The following DOK1 variants were observed in gnomAD, a reference collection of about 807,000 sequenced individuals.
DOK1 encodes docking protein 1.
In DOK1, 12 loss-of-function variants were observed where a neutral mutation model predicts 24.0. That is an observed-to-expected ratio of 0.50 (90% CI 0.32 to 0.81). The LOEUF (loss-of-function observed/expected upper bound fraction) is 0.81, where lower values mean the gene tolerates loss of function less well. Ranked by LOEUF, DOK1 falls within the 30% of genes least tolerant of loss-of-function variation. The pLI, the probability that DOK1 is intolerant of heterozygous loss-of-function variation, is 0.03. For missense variants in DOK1, 591 were observed against 620.7 expected, an observed-to-expected ratio of 0.95 and a Z score of 0.51; for synonymous variants, 250 against 260.9, an observed-to-expected ratio of 0.96 and a Z score of 0.40.
Position 74,555,565 on chromosome 2 carries a change from T to C in DOK1, c.361-10T>C, listed in dbSNP as rs759820003. On this transcript the variant is annotated splice_polypyrimidine_tract_variant and intron_variant, in intron 2 of 4. Transcript: ENST00000233668. This position sits in a 1 kb window ranked among gnomAD's most constrained non-coding sequence, Gnocchi z 6.1. ...GGAAATTACGGGTTTCTCGATGCTC[T>C]CTACTACAGAAAGGCAGCTGGACTC... 2 of 1,614,146 alleles carry C rather than the reference T, an allele frequency of 1.2e-6. No individual in the cohort carries two copies. The highest frequency in any genetic ancestry group is 1.7e-6 in the Non-Finnish European group (2 of 1,180,026).
chr2:74,555,079 C>T lies in DOK1; in HGVS notation c.61-75C>T, dbSNP rs533910133. Reference sequence around the variant, plus strand: ...CCAGATCCCAAATCGACTTGCGCCGCAACCTCCTTCCCCGTCGGGACCCGG... The same window carrying T: ...CCAGATCCCAAATCGACTTGCGCCGTAACCTCCTTCCCCGTCGGGACCCGG... On this transcript the variant is annotated intron_variant, in intron 1 of 4. Transcript: ENST00000233668. This position sits in a 1 kb window ranked among gnomAD's most constrained non-coding sequence, Gnocchi z 6.1. 1 of 1,518,284 alleles carries T rather than the reference C, an allele frequency of 6.6e-7. No homozygotes were observed. The highest frequency in any genetic ancestry group is 1.4e-5 in the African/African-American group (1 of 72,578). The allele number at this position is 1,518,284 out of a possible 1,614,324, so 94.1% of individuals were successfully genotyped here.
Position 74,555,524 on chromosome 2 carries a change from C to T in DOK1, c.361-51C>T, listed in dbSNP as rs758933314. On this transcript the variant is annotated intron_variant, in intron 2 of 4. Transcript: ENST00000233668. The surrounding 1 kb of genome is among the most constrained non-coding windows in gnomAD (Gnocchi z 6.1). ...AGAAATGGGGCTGCCTCAGACCGACCCCCGCTCCCCGCTGAGGAAATTACG... is the reference window on the plus strand; with the variant it reads ...AGAAATGGGGCTGCCTCAGACCGACTCCCGCTCCCCGCTGAGGAAATTACG... 1.2e-5 allele frequency: 20 copies of T among 1,613,202 alleles called. No homozygotes were observed. The highest frequency in any genetic ancestry group is 2.2e-5 in the East Asian group (1 of 44,884).
Position 74,555,500 on chromosome 2 carries a change from G to T in DOK1, c.360+47G>T, listed in dbSNP as rs374634988. On this transcript the variant is annotated intron_variant, in intron 2 of 4. Transcript: ENST00000233668. This position sits in a 1 kb window ranked among gnomAD's most constrained non-coding sequence, Gnocchi z 6.1. ...GGGTGGGGGCAGTTACAGAGGCAGA[G>T]AAATGGGGCTGCCTCAGACCGACCC... 2.0e-5 allele frequency: 33 copies of T among 1,610,790 alleles called. No individual in the cohort carries two copies. The African/African-American group carries it at 3.7e-4, about 18-fold the overall frequency.
At chr2:74,552,025 C>A (rs903906010), upstream of DOK1, among the ~76,000 whole-genome samples, 1 of 152,248 alleles carries the variant, frequency 6.6e-6, no homozygotes, top group Non-Finnish European at 1.5e-5. Context: ...TCACCTGTAT[C>A]TGGGCTGTTT....
At position 74,556,982 on chromosome 2, in the gene DOK1, C is replaced by A. The variant is rs1160094883; in HGVS notation, c.1314C>A (p.Gly438=). ...TCCCTGAACCTGGTACTGCAACTGGCAGTGGCATCAAAAGCCACAACTCAG... is the reference window on the plus strand; with the variant it reads ...TCCCTGAACCTGGTACTGCAACTGGAAGTGGCATCAAAAGCCACAACTCAG... ...PAFPEPGTAT[G]SGIKSHNSAL... The change falls in exon 5 of 5, where the codon GGC becomes GGA. Residue 438 remains glycine (G), a synonymous_variant. Transcript: ENST00000233668. This position sits in a 1 kb window ranked among gnomAD's most constrained non-coding sequence, Gnocchi z 4.1. 1.2e-6 allele frequency: 2 copies of A among 1,614,204 alleles called. No homozygotes were observed. The highest frequency in any genetic ancestry group is 4.5e-5 in the East Asian group (2 of 44,882).
At position 74,555,198 on chromosome 2, in the gene DOK1, C is replaced by T. The variant is rs1677345142; in HGVS notation, c.105C>T (p.His35=). The T allele has an allele frequency of 1.2e-6, 2 of 1,613,398 alleles. No individual in the cohort carries two copies. Among genetic ancestry groups the T allele is most frequent in the South Asian group, 2.2e-5 (2 of 91,074 alleles). ...TWAVLYPASP[H]GVARLEFFDH... ...CCGTGCTCTACCCGGCCAGTCCCCA[C>T]GGCGTAGCGCGGCTCGAGTTCTTTG... Residue 35 remains histidine, a synonymous_variant, in exon 2 of 5, where the codon CAC becomes CAT. Transcript: ENST00000233668. This position sits in a 1 kb window ranked among gnomAD's most constrained non-coding sequence, Gnocchi z 6.1.
Position 74,555,024 on chromosome 2 carries a change from A to G in DOK1, c.61-130A>G. ...GAGACGGAGTGGCATCGTCCTTGGG[A>G]AACTTCGCCCCCAACCCCGTTTGGA... On this transcript the variant is annotated intron_variant, in intron 1 of 4. Coordinates refer to ENST00000233668, the MANE Select transcript of DOK1 (RefSeq NM_001381.5). The surrounding 1 kb of genome is among the most constrained non-coding windows in gnomAD (Gnocchi z 6.1). 7.2e-7 allele frequency: 1 copy of G among 1,395,322 alleles called. No homozygotes were observed. Among genetic ancestry groups the G allele is most frequent in the African/African-American group, 1.4e-5 (1 of 69,646 alleles). 86.4% of individuals were successfully genotyped at this position (1,395,322 alleles called of 1,614,324 possible). A position where few individuals can be genotyped will look rare whatever the true frequency, so the allele number is the denominator to read the frequency against.
chr2:74,553,519 T>C (rs1408852131), upstream of DOK1, among the ~76,000 whole-genome samples: 1 of 152,178 alleles, frequency 6.6e-6, no homozygotes, highest in Admixed American at 6.5e-5. Flanking sequence ...AGGCCTTCTC[T>C]GCCTAGGGCT....
At chr2:74,550,732 G>A (rs769247809), upstream of DOK1, among the ~76,000 whole-genome samples, 3 of 152,176 alleles carry the variant, frequency 2.0e-5, no homozygotes, top group African/African-American at 4.8e-5. Flanking sequence ...CCAGAACACT[G>A]TTTTATATAA....
upstream of DOK1, chr2:74,552,687 T>C (rs573037990): frequency 8.9e-5 from 129 of 1,450,682 alleles, 1 homozygote; most frequent in South Asian, 1.6e-3. Flanking sequence ...GAGAAACAGA[T>C]TGAGTGGGGC....
chr2:74,549,123 C>T lies in DOK1; in HGVS notation c.-407C>T, dbSNP rs1030518039. ...CGGGGCCGAGGAATCCGCCTGCCCG[C>T]CCAGGCGTCGGCCACGAGAGAGCGG... is the stretch of plus-strand genomic sequence containing the variant. On this transcript the variant is annotated 5_prime_UTR_variant, in exon 1 of 5. Transcript: ENST00000409429. The surrounding 1 kb of genome is among the most constrained non-coding windows in gnomAD (Gnocchi z 5.3). 5.3e-6 allele frequency: 2 copies of T among 375,876 alleles called. No individual in the cohort carries two copies. The highest frequency in any genetic ancestry group is 8.3e-5 in the East Asian group (2 of 24,104). The allele number at this position is 375,876 out of a possible 1,614,324, so 23.3% of individuals were successfully genotyped here. A position where few individuals can be genotyped will look rare whatever the true frequency, so the allele number is the denominator to read the frequency against.
rs745609922 is a variant in DOK1, at chr2:74,555,425, T to C, written c.332T>C (p.Val111Ala). Residue 111 changes from valine (V) to alanine (A), a missense_variant, in exon 2 of 5, where the codon GTG (valine) becomes GCG (alanine). Val to Ala is a moderately conservative substitution (Grantham distance 64, BLOSUM62 0). Transcript: ENST00000233668. This position sits in a 1 kb window ranked among gnomAD's most constrained non-coding sequence, Gnocchi z 6.1. The stretch of plus-strand genomic sequence containing the variant: ...GACGCGCCGTCCAGTGCAGCCTGGG[T>C]GCAGACGCTGTGCCGAAACGCCTTT... Reference protein sequence around the residue: ...AADAPSSAAWVQTLCRNAFPK... With the variant: ...AADAPSSAAWAQTLCRNAFPK... 1 of 1,610,592 alleles carries C rather than the reference T, an allele frequency of 6.2e-7. No individual in the cohort carries two copies. Among genetic ancestry groups the C allele is most frequent in the East Asian group, 2.2e-5 (1 of 44,846 alleles).
At chr2:74,552,678 A>T, upstream of DOK1, 1 of 1,473,768 alleles carries the variant, frequency 6.8e-7, no homozygotes. Flanking sequence ...TGTGCGTGAG[A>T]GAAACAGATT....
chr2:74,555,376 C>T lies in DOK1; in HGVS notation c.283C>T (p.Gln95Ter), dbSNP rs750612084. The T allele has an allele frequency of 1.2e-6, 2 of 1,613,142 alleles. No individual in the cohort carries two copies. The highest frequency in any genetic ancestry group is 1.3e-5 in the African/African-American group (1 of 74,944). The change falls in exon 2 of 5, where the codon CAG becomes TAG. Residue 95 changes from glutamine to a stop codon, truncating the protein, a stop_gained. Transcript: ENST00000233668. LOFTEE classifies it high-confidence loss of function. The surrounding 1 kb of genome is among the most constrained non-coding windows in gnomAD (Gnocchi z 6.1). Reference protein sequence around the residue: ...GATAFRLDTAQRSHLLAADAP... With the variant: ...GATAFRLDTA ...CACTGCCTTCCGCCTGGACACTGCT[C>T]AGCGCTCGCACCTGCTGGCGGCCGA...
chr2:74,549,950 G>A (rs140197375), upstream of DOK1: 32 of 985,468 alleles, frequency 3.2e-5, no homozygotes, highest in Middle Eastern at 1.0e-3. The surrounding 1 kb of genome is among the most constrained non-coding windows in gnomAD (Gnocchi z 5.3). Context: ...GTGCCCCAGG[G>A]GTGACTAGGG....
chr2:74,549,705 G>A lies in DOK1; in HGVS notation c.-358+533G>A, dbSNP rs995092474. ...CCCAGTGGCGGGATGGGCCCGAGGC[G>A]GCGCTGAGAGAGCGGCCACGATGGC... On this transcript the variant is annotated intron_variant, in intron 1 of 4. Coordinates refer to the DOK1 transcript ENST00000409429. This position sits in a 1 kb window ranked among gnomAD's most constrained non-coding sequence, Gnocchi z 5.3. 2.3e-5 allele frequency: 34 copies of A among 1,447,438 alleles called. No homozygotes were observed. The highest frequency in any genetic ancestry group is 2.9e-5 in the Non-Finnish European group (32 of 1,097,418). The allele number at this position is 1,447,438 out of a possible 1,614,324, so 89.7% of individuals were successfully genotyped here.
At position 74,556,978 on chromosome 2, in the gene DOK1, C is replaced by T; in HGVS notation, c.1310C>T (p.Thr437Ile). 1 of 1,614,248 alleles carries T rather than the reference C, an allele frequency of 6.2e-7. No individual in the cohort carries two copies. Among genetic ancestry groups the T allele is most frequent in the African/African-American group, 1.3e-5 (1 of 75,074 alleles). Reference protein sequence around the residue: ...GPAFPEPGTATGSGIKSHNSA... With the variant: ...GPAFPEPGTAIGSGIKSHNSA... Reference sequence around the variant, plus strand: ...GCCTTCCCTGAACCTGGTACTGCAACTGGCAGTGGCATCAAAAGCCACAAC... The same window carrying T: ...GCCTTCCCTGAACCTGGTACTGCAATTGGCAGTGGCATCAAAAGCCACAAC... Residue 437 changes from threonine (T) to isoleucine (I), a missense_variant, in exon 5 of 5, where the codon ACT becomes ATT. By Grantham distance (89) the Thr-to-Ile change is moderately conservative. Transcript: ENST00000233668. This position sits in a 1 kb window ranked among gnomAD's most constrained non-coding sequence, Gnocchi z 4.1.
chr2:74,550,356 A>G, upstream of DOK1: 5 of 1,612,274 alleles, frequency 3.1e-6, no homozygotes, highest in Non-Finnish European at 4.2e-6. Context: ...GGCCTGTGGA[A>G]GGGGAGATGA....
chr2:74,554,635 C>T (rs1217941952), upstream of DOK1: 8 of 947,748 alleles, frequency 8.4e-6, no homozygotes, highest in African/African-American at 1.7e-5. This position sits in a 1 kb window ranked among gnomAD's most constrained non-coding sequence, Gnocchi z 4.9. Flanking sequence ...ACCGCGACCC[C>T]CCCAGCGGCT....
Sources: gnomAD v4.1 joint callset for allele counts (sites outside exome capture counted in the v4.1 genomes callset) on GRCh38, gnomAD v4.1.1 for gene constraint, Gnocchi (gnomAD v3.1) non-coding constraint, MANE v1.5 for transcripts, NCBI Gene and HGNC (gene_info 2026-07-23, HGNC 2026-07-21) for gene names.